The following DNAH5 variants were observed in gnomAD, a reference collection of about 807,000 sequenced individuals.
The protein encoded by DNAH5 is dynein axonemal heavy chain 5.
Under a neutral mutation model 518.2 loss-of-function variants are expected in DNAH5, and 372 were observed. That is an observed-to-expected ratio of 0.72 (90% CI 0.66 to 0.78). The LOEUF (loss-of-function observed/expected upper bound fraction) is 0.78. Ranked by LOEUF, DNAH5 falls within the 30% of genes least tolerant of loss-of-function variation. DNAH5 has a pLI of 0.00. For synonymous variants in DNAH5, 2,039 were observed against 2,025.9 expected (o/e 1.01, Z -0.17); for missense variants, 5,523 against 5,687.0 (o/e 0.97, Z 0.93).
Position 13,919,046 on chromosome 5 carries a change from T to G in DNAH5, c.975+130A>C, listed in dbSNP as rs77337624. ...CCTCCAAAGTGATGTGAGGGAAGTA[T>G]TATGTAATTTTAAATGTTTTTCATC... On this transcript the variant is annotated intron_variant, in intron 7 of 78. Coordinates refer to ENST00000265104, the MANE Select transcript of DNAH5 (RefSeq NM_001369.3). 6.1e-4 allele frequency: 689 copies of G among 1,138,312 alleles called. 6 individuals carry two copies. In the African/African-American group the frequency reaches 9.9e-3, roughly 16 times the overall value. 70.5% of individuals were successfully genotyped at this position (1,138,312 alleles called of 1,614,324 possible).
intron 35 of DNAH5, among the ~76,000 whole-genome samples, chr5:13,837,726 G>T (rs1342250743): frequency 9.0e-6 from 1 of 110,748 alleles, no homozygotes; most frequent in East Asian, 3.1e-4. Flanking sequence ...TTTTTGAGAC[G>T]GAGTTTTGCT....
chr5:13,784,759 T>C (rs560378048), intron 52 of DNAH5, among the ~76,000 whole-genome samples: 1 of 152,338 alleles, frequency 6.6e-6, no homozygotes, highest in African/African-American at 2.4e-5. Context: ...AAGTAGTTGA[T>C]ATCAACTAAG....
chr5:13,800,557 A>T (rs1419734096), intron 47 of DNAH5, among the ~76,000 whole-genome samples: 1 of 152,178 alleles, frequency 6.6e-6, no homozygotes, highest in Non-Finnish European at 1.5e-5. Context: ...AAACAACAGT[A>T]GGCCCCCATT....
chr5:13,984,133 G>A (rs1253711344), intron 1 of DNAH5, among the ~76,000 whole-genome samples: 9 of 152,174 alleles, frequency 5.9e-5, no homozygotes, highest in East Asian at 3.9e-4. Context: ...GAAGCATGAC[G>A]GAGACATGCA....
chr5:13,830,855 C>T (rs1229654162), intron 35 of DNAH5, 80 bp from the exon 36 acceptor site: 2 of 1,422,054 alleles, frequency 1.4e-6, no homozygotes, highest in Admixed American at 1.7e-5. Flanking sequence ...GCATGAAACG[C>T]ACACAAGATT....
chr5:13,943,343 T>G (rs1003737759), intron 1 of DNAH5, among the ~76,000 whole-genome samples: 3 of 152,216 alleles, frequency 2.0e-5, no homozygotes, highest in African/African-American at 7.2e-5. Flanking sequence ...TGGGTAAATG[T>G]CATTTCACTA....
intron 32 of DNAH5, among the ~76,000 whole-genome samples, chr5:13,842,428 AAAGAAAGAAAGAAAGAAAGAAAG>A (rs1386113930): frequency 1.1e-4 from 5 of 47,618 alleles, no homozygotes; most frequent in African/African-American, 2.4e-4. Flanking sequence ...AAAAGAAAAG[AAAGAAAGAAAGAAAGAAAGAAAG>A]AAAGAAAGAA....
intron 1 of DNAH5, among the ~76,000 whole-genome samples, chr5:13,985,913 G>A (rs776400523): frequency 5.3e-5 from 8 of 152,174 alleles, no homozygotes; most frequent in African/African-American, 1.9e-4. Flanking sequence ...TCAGTGAAGC[G>A]TCTGCTCCAT....
chr5:13,945,765 G>A (rs1419041406), upstream of DNAH5, among the ~76,000 whole-genome samples: 6 of 151,944 alleles, frequency 3.9e-5, no homozygotes, highest in Admixed American at 6.6e-5. Flanking sequence ...GTCACAACAC[G>A]CGGCTAATTT....
intron 50 of DNAH5, among the ~76,000 whole-genome samples, chr5:13,790,378 T>C (rs950132107): frequency 1.3e-5 from 2 of 152,140 alleles, no homozygotes; most frequent in Non-Finnish European, 2.9e-5. Flanking sequence ...TAAAAAAGAA[T>C]GAGATCATGT....
chr5:13,973,305 G>T (rs534499259), intron 1 of DNAH5, among the ~76,000 whole-genome samples: 1 of 152,224 alleles, frequency 6.6e-6, no homozygotes, highest in Admixed American at 6.5e-5. Flanking sequence ...TTTTAGCCCG[G>T]TAAAACTGAC....
chr5:13,802,067 T>TA (rs907286194), intron 47 of DNAH5, among the ~76,000 whole-genome samples: 90 of 148,190 alleles, frequency 6.1e-4, no homozygotes, highest in Admixed American at 2.2e-3. Context: ...TACTGATTTT[T>TA]AAAAAAAAAA....
Position 13,735,321 on chromosome 5 carries a change from C to A in DNAH5, c.11571G>T (p.Arg3857Ser). Reference sequence around the variant, plus strand: ...TGCTTGTAATCGGGCTCTTGACAGACCTGGTGAATAGAATATTTAAATCAG... The same window carrying A: ...TGCTTGTAATCGGGCTCTTGACAGAACTGGTGAATAGAATATTTAAATCAG... ...FLGLFDLSLARSVKSPITSKR... is the reference protein window; with the variant it reads ...FLGLFDLSLASSVKSPITSKR... The change falls in exon 68 of 79, where the codon AGG (arginine) becomes AGT (serine). Residue 3857 changes from arginine (R) to serine (S), a missense_variant and splice_region_variant. Physicochemically the swap from Arg to Ser is moderately radical, Grantham distance 110. Transcript: ENST00000265104. The A allele has an allele frequency of 1.2e-6, 2 of 1,613,768 alleles. No individual in the cohort carries two copies. Among genetic ancestry groups the A allele is most frequent in the South Asian group, 1.1e-5 (1 of 91,056 alleles).
At chr5:13,827,848 A>G (rs1201573188) in intron 38 of DNAH5, among the ~76,000 whole-genome samples, 1 of 152,098 alleles carries the variant, frequency 6.6e-6, no homozygotes, top group Non-Finnish European at 1.5e-5. Flanking sequence ...GTGAGTTCTC[A>G]TGAGATCTGA....
chr5:13,911,460 T>G lies in DNAH5; in HGVS notation c.1570A>C (p.Asn524His), dbSNP rs1285198685. ...IVATIKKKEY[N>H]FLDQRKMDFD... Reference sequence around the variant, plus strand: ...TCCATTTTCCGCTGGTCTAGGAAATTGTATTCCTTTTTCTTTATGGTTGCC... The same window carrying G: ...TCCATTTTCCGCTGGTCTAGGAAATGGTATTCCTTTTTCTTTATGGTTGCC... Residue 524 changes from asparagine to histidine, a missense_variant, in exon 12 of 79, where the codon AAT (asparagine) becomes CAT (histidine). Physicochemically the swap from Asn to His is moderately conservative, Grantham distance 68. Transcript: ENST00000265104. 3.7e-6 allele frequency: 6 copies of G among 1,613,900 alleles called. No homozygotes were observed. Among genetic ancestry groups the G allele is most frequent in the Non-Finnish European group, 4.2e-6 (5 of 1,179,972 alleles).
chr5:13,981,969 C>A (rs186092569), intron 1 of DNAH5, among the ~76,000 whole-genome samples: 1 of 152,170 alleles, frequency 6.6e-6, no homozygotes, highest in Non-Finnish European at 1.5e-5. Flanking sequence ...CAGCACGATT[C>A]GGTGAAATTA....
At chr5:13,958,956 T>TTTGTTGTTGTTG (rs112550386) in intron 1 of DNAH5, among the ~76,000 whole-genome samples, 2 of 151,876 alleles carry the variant, frequency 1.3e-5, no homozygotes, top group East Asian at 1.9e-4. Flanking sequence ...CAACAGCCTT[T>TTTGTTGTTGTTG]TTGTTGTTGT....
rs768159386 is a variant in DNAH5, at chr5:13,701,326, C to T, written c.13449G>A (p.Thr4483=). ...FNGRPHCFWM[T]GFFNPQGFLT... The stretch of plus-strand genomic sequence containing the variant: ...AAAATCCCTGGGGGTTAAAAAAACC[C>T]GTCATCCAAAAGCAGTGAGGTCGGC... The change falls in exon 77 of 79, where the codon ACG becomes ACA. Residue 4483 remains threonine (T), a synonymous_variant. Coordinates refer to ENST00000265104, the MANE Select transcript of DNAH5 (RefSeq NM_001369.3). 3.6e-5 allele frequency: 58 copies of T among 1,613,850 alleles called. No homozygotes were observed. Among genetic ancestry groups the T allele is most frequent in the South Asian group, 8.8e-5 (8 of 91,076 alleles).
At chr5:13,866,427 A>G in intron 25 of DNAH5, 145 bp from the exon 26 acceptor site, 2 of 710,886 alleles carry the variant, frequency 2.8e-6, no homozygotes, top group Non-Finnish European at 4.6e-6. Flanking sequence ...GGGCCTCACA[A>G]AGTGATTCAT....
Sources: gnomAD v4.1 joint callset for allele counts (sites outside exome capture counted in the v4.1 genomes callset) on GRCh38, gnomAD v4.1.1 for gene constraint, MANE v1.5 for transcripts, NCBI Gene and HGNC (gene_info 2026-07-23, HGNC 2026-07-21) for gene names.